Variants in NHS observed in about 807,000 individuals in gnomAD.
The protein encoded by NHS is NHS actin remodeling regulator, also known as actin remodeling regulator NHS.
A neutral mutation model predicts 72.5 loss-of-function variants in NHS; 5 were observed. That is an observed-to-expected ratio of 0.07 (90% CI 0.04 to 0.14). The LOEUF is 0.14. NHS is among the 10% of genes least tolerant of loss of function. The probability of loss-of-function intolerance (pLI) is 1.00; values close to 1 mark genes in which losing one functional copy is unlikely to be tolerated. For synonymous variants in NHS, 464 were observed against 547.7 expected (o/e 0.85, Z 2.13); for missense variants, 1,072 against 1,355.7 (o/e 0.79, Z 3.29).
At chrX:17,587,826 T>G (rs976671462) in intron 1 of NHS, among the ~76,000 whole-genome samples, 4 of 112,474 alleles carry the variant, frequency 3.6e-5, no homozygotes, top group African/African-American at 9.7e-5. Flanking sequence ...AAATGTTTGT[T>G]GAAGCCTTGT....
intron 1 of NHS, among the ~76,000 whole-genome samples, chrX:17,679,298 GA>G (rs1404326704): frequency 8.9e-6 from 1 of 111,817 alleles, no homozygotes; most frequent in African/African-American, 3.3e-5. Flanking sequence ...GTGGATAAAT[GA>G]AACCCATAGT....
chrX:17,422,889 G>GAA lies in NHS; in HGVS notation c.565+46573_565+46574dup, dbSNP rs747865048. On this transcript the variant is annotated intron_variant, in intron 1 of 8. Transcript: ENST00000676302. ...CATTTCTAGGGGTGGGTAATATTAT[G>GAA]AAAAAAAGGTAGAAATTGGTAAGAT... is the stretch of plus-strand genomic sequence containing the variant. 3.6e-5 allele frequency among the ~76,000 whole-genome samples: 4 copies of GAA among 111,517 alleles called. No individual in the cohort carries two copies. In the East Asian group the frequency reaches 1.1e-3, roughly 31 times the overall value.
intron 1 of NHS, among the ~76,000 whole-genome samples, chrX:17,683,322 G>A (rs2066140638): frequency 1.8e-5 from 2 of 112,249 alleles, no homozygotes; most frequent in South Asian, 7.4e-4. Flanking sequence ...GGATGATACA[G>A]AGAGTAGCAG....
chrX:17,494,491 G>A (rs1300789471), intron 1 of NHS, among the ~76,000 whole-genome samples: 2 of 112,362 alleles, frequency 1.8e-5, no homozygotes, highest in African/African-American at 6.5e-5. Context: ...CTCCAAACTT[G>A]TTCTGGGAAT....
intron 1 of NHS, among the ~76,000 whole-genome samples, chrX:17,485,630 G>C (rs925917572): frequency 9.0e-6 from 1 of 111,060 alleles, no homozygotes; most frequent in Non-Finnish European, 1.9e-5. Context: ...TAAAGCATCA[G>C]CTCTGGGTGG....
At chrX:17,477,366 G>A (rs778458764) in intron 1 of NHS, among the ~76,000 whole-genome samples, 2 of 111,917 alleles carry the variant, frequency 1.8e-5, no homozygotes, top group Non-Finnish European at 3.8e-5. Context: ...TGTCATATTT[G>A]AGGAATAGCA....
chrX:17,397,279 C>G (rs1448218207), intron 1 of NHS, among the ~76,000 whole-genome samples: 4 of 112,507 alleles, frequency 3.6e-5, no homozygotes, highest in Admixed American at 2.8e-4. Flanking sequence ...TCTGGGAAAA[C>G]CTTGATGAAT....
In NHS at chrX:17,728,168, T is replaced by G. The variant is rs1456766940; in HGVS notation, c.4062T>G (p.Pro1354=). 8.3e-7 allele frequency: 1 copy of G among 1,211,765 alleles called. No individual in the cohort carries two copies. The highest frequency in any genetic ancestry group is 3.0e-5 in the East Asian group (1 of 33,837). The change falls in exon 7 of 9, where the codon CCT becomes CCG. Residue 1354 remains proline, a synonymous_variant. Coordinates refer to ENST00000676302, the MANE Select transcript of NHS (RefSeq NM_001291867.2). The part of the protein sequence containing the change: ...FVMSRHHDKV[P]GTISYESEIT... ...TGAGCCGCCACCATGACAAAGTGCC[T>G]GGTACTATCAGCTATGAATCGGAGA...
At chrX:17,408,307 A>G (rs1433102165) in intron 1 of NHS, among the ~76,000 whole-genome samples, 1 of 111,858 alleles carries the variant, frequency 8.9e-6, no homozygotes, top group Non-Finnish European at 1.9e-5. Flanking sequence ...TACCTGCCTG[A>G]ACAGTATATG....
intron 1 of NHS, among the ~76,000 whole-genome samples, chrX:17,533,584 C>T (rs2065209410): frequency 1.8e-5 from 2 of 112,190 alleles, no homozygotes; most frequent in African/African-American, 6.5e-5. Context: ...TGGCCCTGGC[C>T]TTGTTGACTT....
intron 1 of NHS, among the ~76,000 whole-genome samples, chrX:17,537,979 C>T (rs1043182814): frequency 1.8e-5 from 2 of 111,968 alleles, no homozygotes; most frequent in African/African-American, 6.5e-5. Context: ...GCAGAGCCAG[C>T]CACGGGCAGG....
At chrX:17,718,873 A>C in intron 3 of NHS, among the ~76,000 whole-genome samples, 1 of 94,440 alleles carries the variant, frequency 1.1e-5, no homozygotes, top group Non-Finnish European at 2.1e-5. Flanking sequence ...GGTAGGAAAG[A>C]AGGAAGGAGG....
At chrX:17,438,469 G>A (rs774180132) in intron 1 of NHS, among the ~76,000 whole-genome samples, 9 of 111,872 alleles carry the variant, frequency 8.0e-5, no homozygotes, top group Non-Finnish European at 1.5e-4. Context: ...CATCTTTAAA[G>A]GAGGTGGGGA....
intron 1 of NHS, chrX:17,585,821 G>A (rs1408212677): frequency 1.9e-5 from 2 of 104,463 alleles, no homozygotes; most frequent in African/African-American, 7.7e-5. Flanking sequence ...ATGGAAGATC[G>A]ATTGAGGTTT....
intron 1 of NHS, among the ~76,000 whole-genome samples, chrX:17,389,528 A>G (rs1258838627): frequency 8.9e-6 from 1 of 111,759 alleles, no homozygotes; most frequent in African/African-American, 3.3e-5. Flanking sequence ...TTTGACAAGG[A>G]TAAAAATCTA....
intron 3 of NHS, among the ~76,000 whole-genome samples, chrX:17,713,527 A>G (rs2066347264): frequency 8.9e-6 from 1 of 112,585 alleles, no homozygotes; most frequent in Non-Finnish European, 1.9e-5. Context: ...TATCAGTTAG[A>G]TCACAAACCA....
At chrX:17,465,616 C>CAAA (rs11297013) in intron 1 of NHS, among the ~76,000 whole-genome samples, 35 of 83,671 alleles carry the variant, frequency 4.2e-4, no homozygotes, top group African/African-American at 1.2e-3. Context: ...TCTTCCAGGA[C>CAAA]AAAAAAAAAA....
chrX:17,429,259 C>T (rs1429677894), intron 1 of NHS, among the ~76,000 whole-genome samples: 3 of 98,970 alleles, frequency 3.0e-5, no homozygotes, highest in South Asian at 4.0e-4. Context: ...TGTGTGTGTG[C>T]ACACGTGCGC....
chrX:17,687,480 A>G (rs1390252600), intron 1 of NHS: 6 of 401,015 alleles, frequency 1.5e-5, no homozygotes, highest in Non-Finnish European at 2.7e-5. Context: ...GAATGAAGGT[A>G]CGGAGAGGAA....
Sources: gnomAD v4.1 joint callset for allele counts (sites outside exome capture counted in the v4.1 genomes callset) on GRCh38, gnomAD v4.1.1 for gene constraint, MANE v1.5 for transcripts, NCBI Gene and HGNC (gene_info 2026-07-23, HGNC 2026-07-21) for gene names.